NFATC1: variants seen among roughly 807,000 people sequenced by gnomAD.
NFATC1 encodes the protein nuclear factor of activated T-cells, cytoplasmic 1.
A neutral mutation model predicts 76.0 loss-of-function variants in NFATC1; 22 were observed. The observed-to-expected ratio is 0.29, with a 90% CI of 0.21 to 0.41. The LOEUF (loss-of-function observed/expected upper bound fraction) is 0.41, where lower values mean the gene tolerates loss of function less well. NFATC1 is among the 10% of genes least tolerant of loss of function. The pLI, the probability that NFATC1 is intolerant of heterozygous loss-of-function variation, is 1.00. For synonymous variants in NFATC1, 704 were observed against 613.1 expected (o/e 1.15, Z -2.19); for missense variants, 1,357 against 1,337.7 (o/e 1.01, Z -0.23).
At chr18:79,495,078 G>A (rs1412895902) in intron 9 of NFATC1, among the ~76,000 whole-genome samples, 3 of 152,262 alleles carry the variant, frequency 2.0e-5, no homozygotes, top group African/African-American at 7.2e-5. Context: ...GGAAATGGGG[G>A]CAAGGATGGC....
chr18:79,400,256 GGGGGGC>G (rs56222972), intron 1 of NFATC1: 33 of 1,196,564 alleles, frequency 2.8e-5, no homozygotes, highest in South Asian at 2.4e-4. Context: ...GAAACGCCCC[GGGGGGC>G]GGGGGCGGGG....
intron 2 of NFATC1, among the ~76,000 whole-genome samples, chr18:79,412,462 A>AC (rs1285333105): frequency 1.5e-5 from 1 of 66,964 alleles, no homozygotes; most frequent in Non-Finnish European, 3.1e-5. Flanking sequence ...GTCCCTCCCC[A>AC]CCCCCCACTC....
At chr18:79,479,349 C>CG (rs1288275215) in intron 8 of NFATC1, among the ~76,000 whole-genome samples, 1 of 150,624 alleles carries the variant, frequency 6.6e-6, no homozygotes, top group Non-Finnish European at 1.5e-5. Flanking sequence ...CCTCCACGGG[C>CG]GACAGCGTGA....
chr18:79,404,350 G>A (rs1026899776), intron 1 of NFATC1, among the ~76,000 whole-genome samples: 6 of 152,222 alleles, frequency 3.9e-5, no homozygotes. Flanking sequence ...TTGGGGGAAC[G>A]GCGTCTGGGA....
intron 4 of NFATC1, 66 bp from the exon 5 acceptor site, chr18:79,450,888 G>A: frequency 6.4e-7 from 1 of 1,553,604 alleles, no homozygotes; most frequent in East Asian, 2.3e-5. Flanking sequence ...AGGGTCTGGG[G>A]GGCCAGGCCT....
chr18:79,452,988 G>A (rs1266064986), intron 6 of NFATC1, among the ~76,000 whole-genome samples: 1 of 152,224 alleles, frequency 6.6e-6, no homozygotes. Context: ...CGGCTTTAGA[G>A]GTCTTTGACT....
intron 9 of NFATC1, among the ~76,000 whole-genome samples, chr18:79,511,307 C>G (rs2145174525): frequency 6.6e-6 from 1 of 152,320 alleles, no homozygotes; most frequent in South Asian, 2.1e-4. Flanking sequence ...GACTCTGCCT[C>G]CCCCCTCCCC....
In NFATC1 at chr18:79,436,142, G is replaced by A. The variant is rs115241157; in HGVS notation, c.1386+2404G>A. Among the ~76,000 whole-genome samples the A allele has an allele frequency of 6.2e-3, 946 of 152,336 alleles. 15 individuals carry two copies. Among genetic ancestry groups the A allele is most frequent in the African/African-American group, 0.022 (904 of 41,576 alleles). On this transcript the variant is annotated intron_variant, in intron 3 of 9. Transcript: ENST00000427363. Reference sequence around the variant, plus strand: ...GTTGCCGTGGAAGCTCCTCGTAACCGCAGACGTGCCCTCGGTGCCGTCGGG... The same window carrying A: ...GTTGCCGTGGAAGCTCCTCGTAACCACAGACGTGCCCTCGGTGCCGTCGGG...
chr18:79,472,056 T>A (rs892850447), intron 8 of NFATC1, among the ~76,000 whole-genome samples: 1 of 152,136 alleles, frequency 6.6e-6, no homozygotes, highest in Non-Finnish European at 1.5e-5. Context: ...AACTGTGGCA[T>A]CGGAGAGGTG....
intron 9 of NFATC1, among the ~76,000 whole-genome samples, chr18:79,520,531 T>TGTGGGGGG (rs1555925214): frequency 5.6e-5 from 8 of 141,596 alleles, no homozygotes; most frequent in African/African-American, 2.1e-4. Flanking sequence ...ACTCTGTGTG[T>TGTGGGGGG]GGGGGGGGGA....
chr18:79,462,983 C>G (rs1276840289), intron 7 of NFATC1, among the ~76,000 whole-genome samples: 2 of 152,212 alleles, frequency 1.3e-5, no homozygotes, highest in Non-Finnish European at 2.9e-5. Flanking sequence ...GATCGGTGGC[C>G]TCCATGGAGA....
chr18:79,508,596 G>A (rs115377758), intron 9 of NFATC1, among the ~76,000 whole-genome samples: 11 of 151,792 alleles, frequency 7.2e-5, no homozygotes, highest in Non-Finnish European at 1.3e-4. Flanking sequence ...CCTCTCTCTC[G>A]GTCTTTCTCT....
intron 6 of NFATC1, among the ~76,000 whole-genome samples, chr18:79,452,428 G>A (rs891851282): frequency 2.6e-5 from 4 of 152,224 alleles, no homozygotes; most frequent in African/African-American, 7.2e-5. Context: ...GGGTGTCCTC[G>A]GAGTGATGTT....
At chr18:79,460,893 G>A (rs541412348) in intron 6 of NFATC1, among the ~76,000 whole-genome samples, 11 of 152,278 alleles carry the variant, frequency 7.2e-5, no homozygotes, top group Non-Finnish European at 1.2e-4. Flanking sequence ...CTGCTGATGG[G>A]GTACCTGCTC....
intron 5 of NFATC1, 125 bp from the exon 6 acceptor site, chr18:79,451,551 C>A: frequency 9.1e-7 from 1 of 1,093,028 alleles, no homozygotes; most frequent in Non-Finnish European, 1.2e-6. Flanking sequence ...CAGGGGTCGG[C>A]CCGCAGGTCG....
chr18:79,472,088 T>C (rs568947896), intron 8 of NFATC1, among the ~76,000 whole-genome samples: 17 of 152,136 alleles, frequency 1.1e-4, no homozygotes, highest in African/African-American at 3.9e-4. Context: ...GGAGCCGGGG[T>C]CCTGTGGCCT....
intron 8 of NFATC1, chr18:79,470,398 A>G (rs73009606): frequency 0.015 from 2,257 of 151,694 alleles, 25 homozygotes; most frequent in Middle Eastern, 0.034. Context: ...TGAGGGGCGG[A>G]CTCCTAGGGT....
In NFATC1 at chr18:79,486,245, C is replaced by T; in HGVS notation, c.2093-3C>T. ...TATTTAATTTTTTTTTTCCTTCTCA[C>T]AGTTCCAATTATAAAAACAGAACCC... is the stretch of plus-strand genomic sequence containing the variant. On this transcript the variant is annotated splice_region_variant and splice_polypyrimidine_tract_variant and intron_variant, in intron 8 of 9. Transcript: ENST00000427363. 5 of 1,591,310 alleles carry T rather than the reference C, an allele frequency of 3.1e-6. No individual in the cohort carries two copies. The highest frequency in any genetic ancestry group is 1.1e-5 in the South Asian group (1 of 88,964).
At chr18:79,508,219 T>G (rs1159177339) in intron 9 of NFATC1, among the ~76,000 whole-genome samples, 1 of 150,882 alleles carries the variant, frequency 6.6e-6, no homozygotes, top group Non-Finnish European at 1.5e-5. Flanking sequence ...AGAAAAAAGG[T>G]GGAGGGAGGG....
Sources: gnomAD v4.1 joint callset for allele counts (sites outside exome capture counted in the v4.1 genomes callset) on GRCh38, gnomAD v4.1.1 for gene constraint, MANE v1.5 for transcripts, NCBI Gene and HGNC (gene_info 2026-07-23, HGNC 2026-07-21) for gene names.